PCDHGB1: variants seen among roughly 807,000 people sequenced by gnomAD.
PCDHGB1 encodes the protein protocadherin gamma-B1.
A neutral mutation model predicts 56.6 loss-of-function variants in PCDHGB1; 34 were observed. The ratio of observed to expected loss-of-function variants is 0.60; its 90% CI spans 0.46 to 0.80. The LOEUF (loss-of-function observed/expected upper bound fraction) is 0.80, where lower values mean the gene tolerates loss of function less well. PCDHGB1 is among the 30% of genes least tolerant of loss of function. The pLI, the probability that PCDHGB1 is intolerant of heterozygous loss-of-function variation, is 0.00. For missense variants in PCDHGB1, 1,278 were observed against 1,204.6 expected (o/e 1.06, Z -0.90); for synonymous variants, 561 against 505.9 (o/e 1.11, Z -1.46).
Position 141,489,091 on chromosome 5 carries a change from T to A in PCDHGB1, c.2410-5716T>A. 1.9e-4 allele frequency: 63 copies of A among 332,802 alleles called. No individual in the cohort carries two copies. Among genetic ancestry groups the A allele is most frequent in the East Asian group, 2.9e-4 (6 of 20,542 alleles). The allele number at this position is 332,802 out of a possible 1,614,324, so 20.6% of individuals were successfully genotyped here. A position where few individuals can be genotyped will look rare whatever the true frequency, so the allele number is the denominator to read the frequency against. ...CTGCCCACCCCCGCCACTCGGTGAC[T>A]AAGAACTGCTGCAAGCAGGCAAACC... On this transcript the variant is annotated intron_variant, in intron 1 of 3. Transcript: ENST00000523390. This position sits in a 1 kb window ranked among gnomAD's most constrained non-coding sequence, Gnocchi z 4.5.
At chr5:141,357,475 C>T in intron 1 of PCDHGB1, 2 of 1,614,236 alleles carry the variant, frequency 1.2e-6, no homozygotes, top group Non-Finnish European at 1.7e-6. Context: ...CGAGGTCTCC[C>T]TCACCGCGGA....
chr5:141,460,587 T>C (rs1461971599), intron 1 of PCDHGB1, among the ~76,000 whole-genome samples: 1 of 152,170 alleles, frequency 6.6e-6, no homozygotes, highest in Non-Finnish European at 1.5e-5. Flanking sequence ...TGTGGGTTTT[T>C]TCTGGGCTCT....
In PCDHGB1 at chr5:141,351,407, C is replaced by G. The variant is rs764756339; in HGVS notation, c.1147C>G (p.Gln383Glu). 5 of 1,611,244 alleles carry G rather than the reference C, an allele frequency of 3.1e-6. No homozygotes were observed. The highest frequency in any genetic ancestry group is 4.2e-6 in the Non-Finnish European group (5 of 1,178,502). Residue 383 changes from glutamine to glutamate, a missense_variant, in exon 1 of 4, where the codon CAG (glutamine) becomes GAG (glutamate). Gln to Glu is a conservative substitution (Grantham distance 29, BLOSUM62 2). Transcript: ENST00000523390. ...GQNGMVTCYT[Q>E]EEVPFKLEST... ...AAATGGCATGGTGACATGCTATACT[C>G]AGGAAGAAGTTCCTTTCAAATTAGA...
chr5:141,423,236 C>G, intron 1 of PCDHGB1: 1 of 1,613,920 alleles, frequency 6.2e-7, no homozygotes, highest in Non-Finnish European at 8.5e-7. Flanking sequence ...GACAGCATCC[C>G]CGAAGTCCTG....
intron 1 of PCDHGB1, chr5:141,419,964 T>A (rs151105903): frequency 1.2e-6 from 2 of 1,613,964 alleles, no homozygotes; most frequent in African/African-American, 2.7e-5. Context: ...ATTTCTGTGC[T>A]CTTTCTCCTC....
chr5:141,464,896 G>C (rs1166142533), intron 1 of PCDHGB1, among the ~76,000 whole-genome samples: 2 of 151,554 alleles, frequency 1.3e-5, no homozygotes, highest in African/African-American at 4.8e-5. Context: ...ATGCCACCAT[G>C]TCCAGCTAAT....
At chr5:141,372,128 G>C in intron 1 of PCDHGB1, 1 of 1,613,702 alleles carries the variant, frequency 6.2e-7, no homozygotes, top group Non-Finnish European at 8.5e-7. Context: ...TCGATATGGT[G>C]CCGCGCTCTG....
At chr5:141,478,598 A>C in intron 1 of PCDHGB1, 1 of 1,566,350 alleles carries the variant, frequency 6.4e-7, no homozygotes, top group South Asian at 1.2e-5. Flanking sequence ...TTATTCCTAC[A>C]TCATATTGAG....
intron 1 of PCDHGB1, chr5:141,422,984 G>A (rs752694873): frequency 4.5e-5 from 73 of 1,614,112 alleles, no homozygotes; most frequent in Non-Finnish European, 5.9e-5. Flanking sequence ...GCGGAACCTG[G>A]CTACCTGGTG....
chr5:141,450,832 T>A (rs192186566), intron 1 of PCDHGB1, among the ~76,000 whole-genome samples: 5,292 of 142,276 alleles, frequency 0.037, 115 homozygotes, highest in Middle Eastern at 0.096. Flanking sequence ...TATTATTATT[T>A]TTTTTTTTTT....
intron 1 of PCDHGB1, chr5:141,492,003 T>G: frequency 1.6e-6 from 1 of 626,972 alleles, no homozygotes; most frequent in Non-Finnish European, 2.6e-6. Context: ...TCGGGCGATT[T>G]CCGCGGGTGT....
chr5:141,505,089 G>A (rs1562219081), intron 2 of PCDHGB1, among the ~76,000 whole-genome samples: 1 of 152,208 alleles, frequency 6.6e-6, no homozygotes, highest in Non-Finnish European at 1.5e-5. Context: ...TTGAACCCAG[G>A]AGGTGGATGT....
At chr5:141,392,732 T>C in intron 1 of PCDHGB1, 1 of 1,414,588 alleles carries the variant, frequency 7.1e-7, no homozygotes. Context: ...AGGATTGTCA[T>C]CTCCATAGCT....
intron 1 of PCDHGB1, chr5:141,398,931 C>G (rs1442157400): frequency 6.2e-7 from 1 of 1,613,956 alleles, no homozygotes; most frequent in Admixed American, 1.7e-5. Flanking sequence ...CAGCCACTGA[C>G]CAAGACGAGG....
chr5:141,410,023 C>T (rs1172248089), intron 1 of PCDHGB1: 1 of 1,613,310 alleles, frequency 6.2e-7, no homozygotes, highest in South Asian at 1.1e-5. Flanking sequence ...TGTCCTACCA[C>T]GTGCTGCAGG....
intron 1 of PCDHGB1, among the ~76,000 whole-genome samples, chr5:141,402,461 C>A (rs892900332): frequency 1.3e-5 from 2 of 151,994 alleles, no homozygotes; most frequent in East Asian, 3.8e-4. Context: ...GTTTACATAT[C>A]TAGAAATAGA....
chr5:141,409,187 A>C, intron 1 of PCDHGB1: 1 of 1,614,024 alleles, frequency 6.2e-7, no homozygotes, highest in Non-Finnish European at 8.5e-7. Flanking sequence ...TGGTCTCTCT[A>C]CCCAGTGTAA....
intron 1 of PCDHGB1, chr5:141,478,104 CTG>C: frequency 6.2e-7 from 1 of 1,614,118 alleles, no homozygotes; most frequent in Middle Eastern, 1.6e-4. Context: ...GCTACCCTCA[CTG>C]TGTCAGTAAC....
chr5:141,501,693 G>T (rs1417828433), intron 2 of PCDHGB1, among the ~76,000 whole-genome samples: 1 of 152,028 alleles, frequency 6.6e-6, no homozygotes, highest in Non-Finnish European at 1.5e-5. Context: ...TATCTGCAGG[G>T]TGATTCCGAG....
Sources: allele counts gnomAD v4.1 joint callset (sites outside exome capture counted in the v4.1 genomes callset), GRCh38; gene constraint gnomAD v4.1.1; non-coding constraint Gnocchi (gnomAD v3.1); transcripts MANE v1.5; gene names NCBI Gene and HGNC (gene_info 2026-07-23, HGNC 2026-07-21).